The following BRCA1 variants were observed in gnomAD, a reference collection of about 807,000 sequenced individuals.
BRCA1 encodes the protein BRCA1 DNA repair associated, also known as breast cancer type 1 susceptibility protein.
A neutral mutation model predicts 173.7 loss-of-function variants in BRCA1; 140 were observed. The ratio of observed to expected loss-of-function variants is 0.81; its 90% CI spans 0.70 to 0.93. The LOEUF (loss-of-function observed/expected upper bound fraction) is 0.93, where lower values mean the gene tolerates loss of function less well. Among genes scored for constraint, BRCA1 ranks in the 40% least tolerant of loss-of-function variants. BRCA1 has a pLI of 0.00. For missense variants in BRCA1, 1,983 were observed against 2,172.5 expected, an observed-to-expected ratio of 0.91 and a Z score of 1.73; for synonymous variants, 662 against 756.0, an observed-to-expected ratio of 0.88 and a Z score of 2.04.
At chr17:43,132,670 C>G (rs548066075) in intron 1 of BRCA1, 1 of 152,138 alleles carries the variant, frequency 6.6e-6, no homozygotes, top group Non-Finnish European at 1.5e-5. Flanking sequence ...CCTCTGCCTC[C>G]GGGTTCAAGC....
intron 1 of BRCA1, among the ~76,000 whole-genome samples, chr17:43,169,088 A>G (rs2056293494): frequency 6.6e-6 from 1 of 151,996 alleles, no homozygotes; most frequent in Non-Finnish European, 1.5e-5. Flanking sequence ...TCTCCCTCCC[A>G]CAAAATCCTG....
At chr17:43,099,220 A>C (rs2054264727) in intron 7 of BRCA1, among the ~76,000 whole-genome samples, 1 of 151,168 alleles carries the variant, frequency 6.6e-6, no homozygotes, top group Admixed American at 6.6e-5. Flanking sequence ...GCTACTCTCC[A>C]TCTTTCCAAA....
intron 1 of BRCA1, among the ~76,000 whole-genome samples, chr17:43,139,193 A>G (rs1205591581): frequency 1.4e-5 from 2 of 143,158 alleles, no homozygotes; most frequent in East Asian, 2.1e-4. Flanking sequence ...TTTTTTTTAA[A>G]TTTATCATTT....
chr17:43,169,933 T>C, intron 1 of BRCA1: 1 of 459,314 alleles, frequency 2.2e-6, no homozygotes, highest in South Asian at 1.7e-5. Flanking sequence ...GCCAGGACCT[T>C]TGCAAACAAG....
rs1460180924 is a variant in BRCA1, at chr17:43,076,743, TCAGG to T, written c.4358-133_4358-130del. On this transcript the variant is annotated intron_variant, in intron 12 of 22. Transcript: ENST00000357654. ...ACAAATTGGTTTTTAAACAAGTATA[TCAGG>T]CAGAATTTTATAAACACAAGCAATG... 8.7e-6 allele frequency: 9 copies of T among 1,029,050 alleles called. No homozygotes were observed. In the Admixed American group the frequency reaches 1.8e-4, roughly 21 times the overall value. 63.7% of individuals were successfully genotyped at this position (1,029,050 alleles called of 1,614,324 possible). A position where few individuals can be genotyped will look rare whatever the true frequency, so the allele number is the denominator to read the frequency against.
At chr17:43,060,848 G>A (rs940007431) in intron 18 of BRCA1, among the ~76,000 whole-genome samples, 3 of 152,180 alleles carry the variant, frequency 2.0e-5, no homozygotes, top group East Asian at 1.9e-4. Flanking sequence ...AGCTCTGGCC[G>A]GGCACAGTGG....
rs558135126 is a variant in BRCA1, at chr17:43,081,882, GCTTT to G, written c.4357+518_4357+521del. 2.2e-4 allele frequency among the ~76,000 whole-genome samples: 34 copies of G among 152,220 alleles called. No individual in the cohort carries two copies. Among genetic ancestry groups the G allele is most frequent in the Non-Finnish European group, 4.3e-4 (29 of 68,022 alleles). Reference sequence around the variant, plus strand: ...GCACTTGACTCTATTGCATAATTAGGCTTTCTGTGTTGTTCTTTTCTTTTCCTTT... The same window carrying G: ...GCACTTGACTCTATTGCATAATTAGGCTGTGTTGTTCTTTTCTTTTCCTTT... On this transcript the variant is annotated intron_variant, in intron 12 of 22. Transcript: ENST00000357654.
At position 43,124,046 on chromosome 17, in the gene BRCA1, A is replaced by T. The variant is rs2055727513; in HGVS notation, c.51T>A (p.Ala17=). Residue 17 remains alanine, a synonymous_variant, in exon 2 of 23, where the codon GCT becomes GCA. Coordinates refer to ENST00000357654, the MANE Select transcript of BRCA1 (RefSeq NM_007294.4). ...RVEEVQNVIN[A]MQKILECPIC... ...TGGGACACTCTAAGATTTTCTGCAT[A>T]GCATTAATGACATTTTGTACTTCTT... The T allele has an allele frequency of 1.2e-6, 2 of 1,613,804 alleles. No homozygotes were observed. The highest frequency in any genetic ancestry group is 1.7e-6 in the Non-Finnish European group (2 of 1,179,722).
chr17:43,115,093 G>A (rs2055201034), intron 3 of BRCA1, among the ~76,000 whole-genome samples: 1 of 152,174 alleles, frequency 6.6e-6, no homozygotes, highest in South Asian at 2.1e-4. Flanking sequence ...GAACAGAAAG[G>A]AGAAACTGGG....
intron 2 of BRCA1, among the ~76,000 whole-genome samples, chr17:43,121,427 G>A (rs867261130): frequency 2.6e-5 from 4 of 151,948 alleles, no homozygotes; most frequent in Admixed American, 6.6e-5. Context: ...GCTCACGCCT[G>A]TAATCCCAGC....
chr17:43,056,395 T>C (rs1358217790), intron 19 of BRCA1, among the ~76,000 whole-genome samples: 1 of 152,124 alleles, frequency 6.6e-6, no homozygotes, highest in Non-Finnish European at 1.5e-5. Flanking sequence ...CCCAGGCTGG[T>C]ATCGAACTCC....
intron 2 of BRCA1, among the ~76,000 whole-genome samples, chr17:43,116,668 G>A (rs2055309901): frequency 6.6e-6 from 1 of 152,126 alleles, no homozygotes; most frequent in Non-Finnish European, 1.5e-5. Flanking sequence ...ACAGGCGTGC[G>A]CCACCACGCC....
chr17:43,070,087 C>T (rs1354017535), intron 15 of BRCA1, among the ~76,000 whole-genome samples: 1 of 152,092 alleles, frequency 6.6e-6, no homozygotes, highest in Non-Finnish European at 1.5e-5. Flanking sequence ...GCATGCGCCA[C>T]CACGCCCGGC....
intron 1 of BRCA1, chr17:43,162,279 A>G (rs568860497): frequency 1.3e-5 from 2 of 152,314 alleles, no homozygotes; most frequent in Non-Finnish European, 2.9e-5. Context: ...TTTCTGCCAT[A>G]TAGCCTCTTT....
At position 43,092,159 on chromosome 17, in the gene BRCA1, G is replaced by T. The variant is rs786203431; in HGVS notation, c.3372C>A (p.Phe1124Leu). ...AGTTATCTGAAATCAGATATGGAGA[G>T]AAATCTGTATTAACAGTCTGAACTA... ...EEVVQTVNTD[F>L]SPYLISDNLE... The change falls in exon 10 of 23, where the codon TTC becomes TTA. Residue 1124 changes from phenylalanine to leucine, a missense_variant. Phe to Leu is a conservative substitution (Grantham distance 22, BLOSUM62 0). Transcript: ENST00000357654. 1 of 1,613,436 alleles carries T rather than the reference G, an allele frequency of 6.2e-7. No individual in the cohort carries two copies. Among genetic ancestry groups the T allele is most frequent in the Non-Finnish European group, 8.5e-7 (1 of 1,179,880 alleles).
At chr17:43,056,530 C>T (rs1443247073) in intron 19 of BRCA1, among the ~76,000 whole-genome samples, 1 of 152,066 alleles carries the variant, frequency 6.6e-6, no homozygotes, top group Non-Finnish European at 1.5e-5. Flanking sequence ...CGGTGGCTCA[C>T]GCCTATCCCA....
intron 1 of BRCA1, among the ~76,000 whole-genome samples, chr17:43,153,153 A>C (rs949983020): frequency 7.2e-5 from 11 of 152,176 alleles, no homozygotes; most frequent in African/African-American, 2.7e-4. Context: ...CGACCTGTAG[A>C]GTTTTGTGCA....
chr17:43,086,484 A>G (rs1192407645), intron 11 of BRCA1, among the ~76,000 whole-genome samples: 1 of 152,190 alleles, frequency 6.6e-6, no homozygotes, highest in Non-Finnish European at 1.5e-5. Context: ...ATCCCACTTC[A>G]ATAGTTTTTC....
intron 1 of BRCA1, chr17:43,169,804 T>G: frequency 4.0e-6 from 1 of 252,090 alleles, no homozygotes; most frequent in Non-Finnish European, 7.9e-6. Flanking sequence ...AGGGGCCCAG[T>G]TATCTGAGAA....
Sources: allele counts gnomAD v4.1 joint callset (sites outside exome capture counted in the v4.1 genomes callset), GRCh38; gene constraint gnomAD v4.1.1; transcripts MANE v1.5; gene names NCBI Gene and HGNC (gene_info 2026-07-23, HGNC 2026-07-21).